NT5DC4: variants seen among roughly 807,000 people sequenced by gnomAD.
NT5DC4 encodes the protein 5'-nucleotidase domain-containing protein 4.
In NT5DC4, 44 loss-of-function variants were observed where a neutral mutation model predicts 26.6. That is an observed-to-expected ratio of 1.65 (90% CI 1.30 to 2.13). The LOEUF is 2.13. Ranked by LOEUF, NT5DC4 falls within the 30% of genes most tolerant of loss-of-function variation. NT5DC4 has a pLI of 0.00. For missense variants in NT5DC4, 399 were observed against 228.1 expected (o/e 1.75, Z -4.83); for synonymous variants, 157 against 86.7 (o/e 1.81, Z -4.51).
chr2:112,724,721 G>A (rs1677461660), intron 10 of NT5DC4, 60 bp from the exon 11 acceptor site: 2 of 705,476 alleles, frequency 2.8e-6, no homozygotes, highest in Non-Finnish European at 5.3e-6. Flanking sequence ...TGGGTGACTG[G>A]CTGTGGCAAG....
Position 112,725,481 on chromosome 2 carries a change from G to A in NT5DC4, c.1082G>A (p.Arg361His), listed in dbSNP as rs555235301. ...IFGDILKSKK[R>H]QGWRTCLVVP... ...GGGGACATTCTCAAGTCCAAGAAGCGTCAGGGCTGGCGGACTTGCCTGGTG... is the reference window on the plus strand; with the variant it reads ...GGGGACATTCTCAAGTCCAAGAAGCATCAGGGCTGGCGGACTTGCCTGGTG... Residue 361 changes from arginine (R) to histidine (H), a missense_variant, in exon 13 of 17, where the codon CGT (arginine) becomes CAT (histidine). Transcript: ENST00000688554. The A allele has an allele frequency of 1.5e-5, 11 of 717,242 alleles. No individual in the cohort carries two copies. Among genetic ancestry groups the A allele is most frequent in the Admixed American group, 6.0e-5 (3 of 50,000 alleles). 44.4% of individuals were successfully genotyped at this position (717,242 alleles called of 1,614,324 possible).
chr2:112,722,490 C>A lies in NT5DC4; in HGVS notation c.370C>A (p.Leu124Ile). The A allele has an allele frequency of 2.8e-6, 2 of 717,300 alleles. No individual in the cohort carries two copies. The highest frequency in any genetic ancestry group is 3.5e-5 in the African/African-American group (2 of 57,354). 44.4% of individuals were successfully genotyped at this position (717,300 alleles called of 1,614,324 possible). A position where few individuals can be genotyped will look rare whatever the true frequency, so the allele number is the denominator to read the frequency against. ...GTCATTGGCTGCACCCAGCCTACCCCTCCTCAGGGCAGAGATCTGGAGCTT... is the reference window on the plus strand; with the variant it reads ...GTCATTGGCTGCACCCAGCCTACCCATCCTCAGGGCAGAGATCTGGAGCTT... ...YGFTFLSDLP[L>I]LRAEIWSFYP... Residue 124 changes from leucine (L) to isoleucine (I), a missense_variant, in exon 5 of 17, where the codon CTC (leucine) becomes ATC (isoleucine). Physicochemically the swap from Leu to Ile is conservative, Grantham distance 5. Transcript: ENST00000688554.
At chr2:112,738,029 C>G (rs150416463) in intron 16 of NT5DC4, 6 of 152,104 alleles carry the variant, frequency 3.9e-5, no homozygotes, top group African/African-American at 1.4e-4. Flanking sequence ...GAAAAAGCAA[C>G]CTACAACAGT....
intron 10 of NT5DC4, 35 bp from the exon 11 acceptor site, chr2:112,724,746 G>A (rs566352184): frequency 4.2e-6 from 3 of 715,602 alleles, no homozygotes; most frequent in African/African-American, 1.7e-5. Flanking sequence ...GATTTACCAG[G>A]CTGTGTGTGT....
chr2:112,739,089 A>T lies in NT5DC4; in HGVS notation c.*153A>T, dbSNP rs551675007. ...AGATGCATTAAAAACCTTATCATTT[A>T]AAAAAATTATCTTTATTATTTTTTG... On this transcript the variant is annotated 3_prime_UTR_variant, in exon 17 of 17. Coordinates refer to ENST00000688554, the MANE Select transcript of NT5DC4 (RefSeq NM_001393655.1). The T allele has an allele frequency of 1.3e-4, 188 of 1,427,852 alleles. No homozygotes were observed. The highest frequency in any genetic ancestry group is 1.0e-3 in the Admixed American group (55 of 52,674). The allele number at this position is 1,427,852 out of a possible 1,614,324, so 88.4% of individuals were successfully genotyped here. A position where few individuals can be genotyped will look rare whatever the true frequency, so the allele number is the denominator to read the frequency against.
intron 16 of NT5DC4, chr2:112,731,679 T>G (rs1406176101): frequency 6.6e-6 from 1 of 152,242 alleles, no homozygotes; most frequent in Non-Finnish European, 1.5e-5. Flanking sequence ...GCATCATTGC[T>G]CTGATGTCAC....
chr2:112,719,938 CTTT>C (rs1676705127), upstream of NT5DC4, among the ~76,000 whole-genome samples: 1 of 83,688 alleles, frequency 1.2e-5, no homozygotes, highest in African/African-American at 5.2e-5. Context: ...TTCTTTCTTT[CTTT>C]CTTTCTTTCT....
At chr2:112,737,130 T>A (rs940463480) in intron 16 of NT5DC4, 1 of 152,156 alleles carries the variant, frequency 6.6e-6, no homozygotes, top group Non-Finnish European at 1.5e-5. Context: ...TTTCACCATG[T>A]TGGTCAAGCT....
At chr2:112,729,440 G>A (rs1213424453) in intron 15 of NT5DC4, among the ~76,000 whole-genome samples, 187 bp from the exon 16 acceptor site, 3 of 152,192 alleles carry the variant, frequency 2.0e-5, no homozygotes, top group African/African-American at 7.2e-5. Flanking sequence ...GGATTTTTGA[G>A]GAAGTGAAGT....
upstream of NT5DC4, among the ~76,000 whole-genome samples, chr2:112,719,481 CTT>C (rs57789268): frequency 0.033 from 3,376 of 101,132 alleles, 93 homozygotes; most frequent in African/African-American, 0.12. Flanking sequence ...ACTTGTCTGT[CTT>C]TTTTTTTTTT....
At chr2:112,733,251 GTTT>G (rs11309353) in intron 16 of NT5DC4, among the ~76,000 whole-genome samples, 53 of 147,870 alleles carry the variant, frequency 3.6e-4, no homozygotes, top group Middle Eastern at 3.5e-3. Flanking sequence ...TATTTGGGTA[GTTT>G]TTTTTTTTTT....
At chr2:112,719,938 CTTTCTT>C (rs1558714930), upstream of NT5DC4, among the ~76,000 whole-genome samples, 7 of 83,686 alleles carry the variant, frequency 8.4e-5, no homozygotes, top group South Asian at 4.8e-4. Flanking sequence ...TTCTTTCTTT[CTTTCTT>C]TCTTTCTTTC....
intron 16 of NT5DC4, chr2:112,738,468 G>A (rs1239554495): frequency 4.5e-6 from 1 of 220,380 alleles, no homozygotes; most frequent in Non-Finnish European, 9.1e-6. Context: ...TGCTAAGGTG[G>A]ATGCAGAAAG....
chr2:112,721,808 C>T lies in NT5DC4; in HGVS notation c.75-10C>T. The T allele has an allele frequency of 1.4e-6, 1 of 717,280 alleles. No individual in the cohort carries two copies. The highest frequency in any genetic ancestry group is 2.6e-6 in the Non-Finnish European group (1 of 385,098). 44.4% of individuals were successfully genotyped at this position (717,280 alleles called of 1,614,324 possible). ...TGGACTGATGCCAACATCCTCCTCT[C>T]TCTCCCCAGGATTTTTGTCAACCGC... On this transcript the variant is annotated splice_polypyrimidine_tract_variant and intron_variant, in intron 1 of 16. Coordinates refer to ENST00000688554, the MANE Select transcript of NT5DC4 (RefSeq NM_001393655.1).
rs1291321316 is a variant in NT5DC4, at chr2:112,722,080, C to T, written c.243C>T (p.Thr81=). Residue 81 remains threonine, a synonymous_variant, in exon 3 of 17, where the codon ACC becomes ACT. Transcript: ENST00000688554. The part of the protein sequence containing the change: ...IGYPHEILRY[T]YDPTFPTRRL... ...ACCCGCATGAGATCCTGCGCTACAC[C>T]TACGACCCCACCTTCCCCACCAGGT... The T allele has an allele frequency of 2.8e-6, 2 of 717,126 alleles. No individual in the cohort carries two copies. Among genetic ancestry groups the T allele is most frequent in the Non-Finnish European group, 2.6e-6 (1 of 385,098 alleles). 44.4% of individuals were successfully genotyped at this position (717,126 alleles called of 1,614,324 possible).
chr2:112,724,637 C>G, intron 10 of NT5DC4, 144 bp from the exon 11 acceptor site: 1 of 619,512 alleles, frequency 1.6e-6, no homozygotes, highest in African/African-American at 1.8e-5. Flanking sequence ...GGAAGCTGGG[C>G]AGCGAGACCG....
At chr2:112,720,857 T>C (rs1158346408), upstream of NT5DC4, among the ~76,000 whole-genome samples, 1 of 152,218 alleles carries the variant, frequency 6.6e-6, no homozygotes, top group Non-Finnish European at 1.5e-5. Flanking sequence ...TTGCTCTTCC[T>C]AGATCCTTGC....
intron 16 of NT5DC4, among the ~76,000 whole-genome samples, chr2:112,729,948 T>C (rs918339135): frequency 1.3e-5 from 2 of 152,206 alleles, no homozygotes; most frequent in Non-Finnish European, 2.9e-5. Flanking sequence ...CTTTAAATTA[T>C]AGAGATGATA....
intron 13 of NT5DC4, among the ~76,000 whole-genome samples, 157 bp downstream of exon 13, chr2:112,725,709 C>T (rs528887267): frequency 6.6e-6 from 1 of 152,300 alleles, no homozygotes; most frequent in Admixed American, 6.5e-5. Flanking sequence ...CAAAGACATA[C>T]AGACCCAGAG....
Sources: gnomAD v4.1 joint callset for allele counts (sites outside exome capture counted in the v4.1 genomes callset) on GRCh38, gnomAD v4.1.1 for gene constraint, MANE v1.5 for transcripts, NCBI Gene and HGNC (gene_info 2026-07-23, HGNC 2026-07-21) for gene names.